The following PCDH7 variants were observed in gnomAD, a reference collection of about 807,000 sequenced individuals.
PCDH7 encodes the protein protocadherin-7.
PCDH7 carries 17 observed loss-of-function variants against 58.9 expected under a neutral mutation model. The ratio of observed to expected loss-of-function variants is 0.29; its 90% confidence interval spans 0.20 to 0.43. The LOEUF (loss-of-function observed/expected upper bound fraction) is 0.43, where lower values mean the gene tolerates loss of function less well. PCDH7 is among the 20% of genes least tolerant of loss of function. PCDH7 has a pLI of 1.00. For synonymous variants in PCDH7, 664 were observed against 616.4 expected (o/e 1.08, Z -1.14); for missense variants, 1,274 against 1,441.0 (o/e 0.88, Z 1.88).
At chr4:31,078,332 G>A (rs560733214) in intron 3 of PCDH7, among the ~76,000 whole-genome samples, 23 of 152,178 alleles carry the variant, frequency 1.5e-4, no homozygotes, top group African/African-American at 5.3e-4. Flanking sequence ...AGCCAGGCTA[G>A]AGTGCAGTGG....
chr4:30,869,249 T>C (rs182923230), intron 1 of PCDH7, among the ~76,000 whole-genome samples: 3 of 152,138 alleles, frequency 2.0e-5, no homozygotes, highest in African/African-American at 7.2e-5. Context: ...TATTGTAGTT[T>C]AGCCTGTGTA....
chr4:31,054,255 C>T (rs1180776090), intron 3 of PCDH7, among the ~76,000 whole-genome samples: 1 of 152,172 alleles, frequency 6.6e-6, no homozygotes, highest in African/African-American at 2.4e-5. Flanking sequence ...CTTAAGCCAC[C>T]ACGTCCGGCC....
At chr4:30,928,532 G>T (rs1744178563) in intron 2 of PCDH7, among the ~76,000 whole-genome samples, 1 of 152,166 alleles carries the variant, frequency 6.6e-6, no homozygotes, top group Non-Finnish European at 1.5e-5. Flanking sequence ...CGGCCTTTAA[G>T]ATGGAAGTTT....
chr4:30,818,244 A>G (rs974959193), intron 1 of PCDH7, among the ~76,000 whole-genome samples: 2 of 152,132 alleles, frequency 1.3e-5, no homozygotes, highest in Admixed American at 6.6e-5. Flanking sequence ...CTTGGGATAT[A>G]TATGTATAGT....
chr4:31,078,070 T>C (rs1578734228), intron 3 of PCDH7, among the ~76,000 whole-genome samples: 1 of 152,142 alleles, frequency 6.6e-6, no homozygotes, highest in Non-Finnish European at 1.5e-5. Flanking sequence ...AAGGGTCAAT[T>C]GGTGTGATCT....
At chr4:31,043,656 A>G (rs1358241143) in intron 3 of PCDH7, among the ~76,000 whole-genome samples, 1 of 151,988 alleles carries the variant, frequency 6.6e-6, no homozygotes, top group Admixed American at 6.6e-5. Flanking sequence ...TTTCTTGTAA[A>G]TTTGTTTAAG....
chr4:30,816,987 A>G lies in PCDH7; in HGVS notation c.70+92391A>G, dbSNP rs190089149. Among the ~76,000 whole-genome samples the G allele has an allele frequency of 2.0e-3, 305 of 152,314 alleles. 2 individuals are homozygous for G. Among genetic ancestry groups the G allele is most frequent in the African/African-American group, 6.7e-3 (279 of 41,586 alleles). On this transcript the variant is annotated intron_variant, in intron 1 of 3. Transcript: ENST00000509759. Reference sequence around the variant, plus strand: ...TCACTTTGCCAGAAATTCAGCGAGCACATAGAGAGTACAGACTGGTCATAT... The same window carrying G: ...TCACTTTGCCAGAAATTCAGCGAGCGCATAGAGAGTACAGACTGGTCATAT...
intron 3 of PCDH7, among the ~76,000 whole-genome samples, chr4:31,068,529 T>C (rs1046832768): frequency 2.6e-5 from 4 of 151,996 alleles, no homozygotes; most frequent in Non-Finnish European, 5.9e-5. Context: ...GACACTTCTC[T>C]GGTGAAGTGC....
At chr4:30,799,312 T>A (rs1725212993) in intron 1 of PCDH7, among the ~76,000 whole-genome samples, 1 of 152,200 alleles carries the variant, frequency 6.6e-6, no homozygotes, top group South Asian at 2.1e-4. Context: ...CTATGAATAA[T>A]GATTAATGTA....
At chr4:31,015,385 GT>G (rs1753527396) in intron 3 of PCDH7, among the ~76,000 whole-genome samples, 3 of 152,108 alleles carry the variant, frequency 2.0e-5, no homozygotes, top group African/African-American at 7.2e-5. Context: ...TTCCCAGTGT[GT>G]TTTATAGGTT....
intron 3 of PCDH7, among the ~76,000 whole-genome samples, chr4:31,137,283 T>C (rs965550754): frequency 6.6e-6 from 1 of 152,202 alleles, no homozygotes; most frequent in African/African-American, 2.4e-5. Context: ...ATTTTGTCTC[T>C]AAAGGAAAGA....
intron 1 of PCDH7, among the ~76,000 whole-genome samples, chr4:30,790,220 G>A (rs1723936790): frequency 6.6e-6 from 1 of 152,130 alleles, no homozygotes; most frequent in South Asian, 2.1e-4. Flanking sequence ...TTAAGTTACT[G>A]AGTCAATTCT....
At chr4:30,851,590 G>A (rs549473827) in intron 1 of PCDH7, among the ~76,000 whole-genome samples, 2 of 152,118 alleles carry the variant, frequency 1.3e-5, no homozygotes, top group South Asian at 2.1e-4. Context: ...CTGAGCTTCA[G>A]TTGCTTCATT....
At chr4:31,112,126 C>G (rs1354690290) in intron 3 of PCDH7, among the ~76,000 whole-genome samples, 2 of 152,130 alleles carry the variant, frequency 1.3e-5, no homozygotes, top group Non-Finnish European at 2.9e-5. Flanking sequence ...CTTTCAATCC[C>G]ATTTGACTAC....
At chr4:30,864,586 G>A (rs759539718) in intron 1 of PCDH7, among the ~76,000 whole-genome samples, 4 of 152,018 alleles carry the variant, frequency 2.6e-5, no homozygotes, top group Non-Finnish European at 5.9e-5. Flanking sequence ...ATGGATGACA[G>A]ACTTGTTTAT....
At chr4:30,751,004 C>T (rs1444643731) in intron 1 of PCDH7, among the ~76,000 whole-genome samples, 1 of 151,956 alleles carries the variant, frequency 6.6e-6, no homozygotes, top group Non-Finnish European at 1.5e-5. Flanking sequence ...AAAAATTGTC[C>T]TGTGTTATGG....
chr4:30,890,732 G>A (rs1039293464), intron 1 of PCDH7, among the ~76,000 whole-genome samples: 18 of 152,126 alleles, frequency 1.2e-4, no homozygotes, highest in Middle Eastern at 3.4e-3. Context: ...TTTATGGAGA[G>A]GTGCTTCATA....
intron 1 of PCDH7, among the ~76,000 whole-genome samples, chr4:30,840,079 G>GGGGTA (rs1377888912): frequency 1.3e-5 from 2 of 151,602 alleles, no homozygotes; most frequent in Admixed American, 6.6e-5. Flanking sequence ...TGGAGGAGTA[G>GGGGTA]GGGTAGTTGA....
chr4:31,132,115 T>A (rs1460846575), intron 3 of PCDH7, among the ~76,000 whole-genome samples: 1 of 152,182 alleles, frequency 6.6e-6, no homozygotes, highest in East Asian at 1.9e-4. Flanking sequence ...CCCCTACAAC[T>A]GAATTAATTC....
Sources: gnomAD v4.1 joint callset for allele counts (sites outside exome capture counted in the v4.1 genomes callset) on GRCh38, gnomAD v4.1.1 for gene constraint, MANE v1.5 for transcripts, NCBI Gene and HGNC (gene_info 2026-07-23, HGNC 2026-07-21) for gene names.